EMC8: variants seen among roughly 807,000 people sequenced by gnomAD.
EMC8 encodes COX4 neighbor.
In EMC8, 11 loss-of-function variants were observed where a neutral mutation model predicts 24.3. The observed-to-expected ratio is 0.45, with a 90% CI of 0.28 to 0.75. The LOEUF (loss-of-function observed/expected upper bound fraction) is 0.75. EMC8 is among the 30% of genes least tolerant of loss of function. The pLI, the probability that EMC8 is intolerant of heterozygous loss-of-function variation, is 0.12. For synonymous variants in EMC8, 145 were observed against 117.7 expected (o/e 1.23, Z -1.50); for missense variants, 277 against 282.7 (o/e 0.98, Z 0.14).
At chr16:85,788,396 G>T (rs1291573255) in intron 2 of EMC8, among the ~76,000 whole-genome samples, 1 of 152,284 alleles carries the variant, frequency 6.6e-6, no homozygotes, top group Admixed American at 6.5e-5. Flanking sequence ...GCCCTCCTCA[G>T]ATTATCACCA....
chr16:85,792,879 C>G (rs1243283434), intron 1 of EMC8: 1 of 152,248 alleles, frequency 6.6e-6, no homozygotes, highest in Non-Finnish European at 1.5e-5. Context: ...ACCCCACACC[C>G]TGATGTGCAT....
chr16:85,789,369 G>T (rs1285469886), intron 1 of EMC8, among the ~76,000 whole-genome samples: 1 of 152,098 alleles, frequency 6.6e-6, no homozygotes, highest in East Asian at 1.9e-4. Context: ...AAAGAACTGG[G>T]GCTTTAGAAA....
chr16:85,796,408 AG>A (rs916258853), intron 1 of EMC8, among the ~76,000 whole-genome samples: 1 of 151,808 alleles, frequency 6.6e-6, no homozygotes, highest in Non-Finnish European at 1.5e-5. Flanking sequence ...TGCTGCACTC[AG>A]TTTTGCCACC....
rs1478074566 is a variant in EMC8 at position 85,799,306 on chromosome 16, G to A, written c.-11C>T. The A allele has an allele frequency of 6.4e-7, 1 of 1,569,380 alleles. No individual in the cohort carries two copies. Among genetic ancestry groups the A allele is most frequent in the Non-Finnish European group, 8.6e-7 (1 of 1,157,108 alleles). On this transcript the variant is annotated 5_prime_UTR_variant, in exon 1 of 5. Coordinates refer to ENST00000253457, the MANE Select transcript of EMC8 (RefSeq NM_006067.5). This position sits in a 1 kb window ranked among gnomAD's most constrained non-coding sequence, Gnocchi z 4.2. ...TTTCACCCCGGGCATGCTGACCCGG[G>A]AGGGCCCCGGAGGCCCCTGGGCGCG...
intron 1 of EMC8, among the ~76,000 whole-genome samples, chr16:85,797,769 C>G (rs1905300635): frequency 6.6e-6 from 1 of 152,210 alleles, no homozygotes. Flanking sequence ...CTTACACCTT[C>G]TCAAGCTTAG....
At chr16:85,789,288 G>C (rs1323740896) in intron 1 of EMC8, among the ~76,000 whole-genome samples, 1 of 152,188 alleles carries the variant, frequency 6.6e-6, no homozygotes, top group Admixed American at 6.5e-5. Flanking sequence ...TTTGTCTACA[G>C]GTACTGGATT....
chr16:85,788,931 C>G (rs775595049), intron 2 of EMC8, 43 bp downstream of exon 2: 17 of 1,415,168 alleles, frequency 1.2e-5, no homozygotes, highest in Non-Finnish European at 1.6e-5. Flanking sequence ...CTGCCCAACA[C>G]GTGCTCACTT....
At chr16:85,781,127 G>T in intron 3 of EMC8, 84 bp downstream of exon 3, 1 of 958,070 alleles carries the variant, frequency 1.0e-6, no homozygotes, top group South Asian at 1.3e-5. Flanking sequence ...AGGGGTTAGC[G>T]GAAAGGAAAC....
chr16:85,795,535 C>T (rs866096929), intron 1 of EMC8, among the ~76,000 whole-genome samples: 52 of 51,214 alleles, frequency 1.0e-3, no homozygotes, highest in Middle Eastern at 8.8e-3. Context: ...GCCTTTCTGA[C>T]GGTGGGTCTT....
intron 2 of EMC8, among the ~76,000 whole-genome samples, chr16:85,786,315 C>T (rs773958901): frequency 2.0e-5 from 3 of 152,196 alleles, no homozygotes; most frequent in Non-Finnish European, 4.4e-5. Context: ...AGCAAATTTT[C>T]AGCTAGGTCT....
chr16:85,783,570 A>G (rs1051827214), intron 2 of EMC8, among the ~76,000 whole-genome samples: 1 of 152,134 alleles, frequency 6.6e-6, no homozygotes, highest in Non-Finnish European at 1.5e-5. Flanking sequence ...ACTGCTCACC[A>G]CTGCCTGCAA....
chr16:85,778,881 A>T lies in EMC8; in HGVS notation c.*827T>A, dbSNP rs935339133. The T allele has an allele frequency of 2.6e-5, 4 of 152,248 alleles. No individual in the cohort carries two copies. The highest frequency in any genetic ancestry group is 9.6e-5 in the African/African-American group (4 of 41,466). The allele number at this position is 152,248 out of a possible 1,614,324, so 9.4% of individuals were successfully genotyped here. ...TCAATTCCCTAAGGTTTGGTTACAA[A>T]ACTTGACCAAATGTTCTAAGTATAA... On this transcript the variant is annotated 3_prime_UTR_variant, in exon 5 of 5. Transcript: ENST00000253457.
intron 1 of EMC8, among the ~76,000 whole-genome samples, chr16:85,789,524 G>A (rs1297183829): frequency 6.6e-6 from 1 of 152,176 alleles, no homozygotes; most frequent in Non-Finnish European, 1.5e-5. Flanking sequence ...AGGCACAGTG[G>A]CTCACACCTG....
intron 1 of EMC8, among the ~76,000 whole-genome samples, chr16:85,798,114 GTTTTTTTTTTT>G (rs1163747067): frequency 2.8e-5 from 2 of 72,152 alleles, no homozygotes; most frequent in Admixed American, 2.3e-4. Flanking sequence ...ACAGAAATTC[GTTTTTTTTTTT>G]TTTTTTTTTT....
At chr16:85,793,872 G>T (rs1187024433) in intron 1 of EMC8, among the ~76,000 whole-genome samples, 2 of 151,952 alleles carry the variant, frequency 1.3e-5, no homozygotes, top group African/African-American at 4.8e-5. Context: ...TACGTCAAAG[G>T]GTTATAAGGA....
chr16:85,780,929 G>C (rs949515613), intron 3 of EMC8: 5 of 502,480 alleles, frequency 1.0e-5, no homozygotes, highest in African/African-American at 9.6e-5. Flanking sequence ...TGATTCAGTG[G>C]GGTCTGGGGT....
At chr16:85,792,247 C>T (rs1469013610) in intron 1 of EMC8, among the ~76,000 whole-genome samples, 18 of 152,186 alleles carry the variant, frequency 1.2e-4, no homozygotes. Context: ...GGACAAATTC[C>T]TGTAAGAAAA....
chr16:85,793,569 A>G (rs538564477), intron 1 of EMC8, among the ~76,000 whole-genome samples: 1 of 152,332 alleles, frequency 6.6e-6, no homozygotes, highest in African/African-American at 2.4e-5. Context: ...GGAGATGAAC[A>G]AAGGGCAGGA....
intron 1 of EMC8, among the ~76,000 whole-genome samples, chr16:85,798,033 A>G (rs772574062): frequency 7.2e-5 from 11 of 152,052 alleles, no homozygotes; most frequent in Non-Finnish European, 1.0e-4. Flanking sequence ...CTGTACTTCA[A>G]TAAAGCTGTC....
Sources: gnomAD v4.1 joint callset for allele counts (sites outside exome capture counted in the v4.1 genomes callset) on GRCh38, gnomAD v4.1.1 for gene constraint, Gnocchi (gnomAD v3.1) non-coding constraint, MANE v1.5 for transcripts, NCBI Gene and HGNC (gene_info 2026-07-23, HGNC 2026-07-21) for gene names.